Variants in FOCAD observed in about 807,000 individuals in gnomAD.
FOCAD encodes the protein KIAA1797.
FOCAD carries 198 observed loss-of-function variants against 225.6 expected under a neutral mutation model. The ratio of observed to expected loss-of-function variants is 0.88; its 90% CI spans 0.78 to 0.99. The LOEUF is 0.99. FOCAD is among the 50% of genes least tolerant of loss of function. The pLI is 0.00. For synonymous variants in FOCAD, 897 were observed against 755.0 expected (o/e 1.19, Z -3.08); for missense variants, 2,713 against 2,123.6 (o/e 1.28, Z -5.46).
At chr9:20,708,411 AT>A (rs997956475) in intron 1 of FOCAD, among the ~76,000 whole-genome samples, 1 of 152,048 alleles carries the variant, frequency 6.6e-6, no homozygotes, top group Non-Finnish European at 1.5e-5. Context: ...TGAAGTACTT[AT>A]TTTTTTATCA....
At chr9:20,882,088 G>C (rs1830717925) in intron 20 of FOCAD, 32 bp downstream of exon 20, 1 of 1,569,178 alleles carries the variant, frequency 6.4e-7, no homozygotes, top group African/African-American at 1.4e-5. Flanking sequence ...AAAAATACAG[G>C]TTTTTCATGT....
intron 4 of FOCAD, among the ~76,000 whole-genome samples, chr9:20,729,049 A>G (rs937595714): frequency 1.3e-5 from 2 of 152,154 alleles, no homozygotes; most frequent in African/African-American, 4.8e-5. Context: ...GGCCACAATT[A>G]CAGATTTCCA....
At chr9:20,910,004 A>G (rs1159976796) in intron 22 of FOCAD, among the ~76,000 whole-genome samples, 3 of 152,096 alleles carry the variant, frequency 2.0e-5, no homozygotes, top group Admixed American at 6.6e-5. Flanking sequence ...ATTCTCCATT[A>G]CTTCCTGGAG....
At chr9:20,963,060 A>G (rs1838906817) in intron 35 of FOCAD, among the ~76,000 whole-genome samples, 1 of 152,022 alleles carries the variant, frequency 6.6e-6, no homozygotes, top group African/African-American at 2.4e-5. Context: ...TATTTTCTCA[A>G]TTTCCAACAG....
chr9:20,993,580 G>A (rs542160801), intron 43 of FOCAD, among the ~76,000 whole-genome samples: 2 of 152,216 alleles, frequency 1.3e-5, no homozygotes, highest in South Asian at 2.1e-4. Flanking sequence ...ATACATGGCC[G>A]GAAGGTAATT....
chr9:20,843,660 A>T (rs1249031781), intron 15 of FOCAD, among the ~76,000 whole-genome samples: 1 of 152,094 alleles, frequency 6.6e-6, no homozygotes, highest in Non-Finnish European at 1.5e-5. Flanking sequence ...AGGTTTGGGA[A>T]GTTCTCTGTT....
chr9:20,797,481 CTT>C (rs746377800), intron 11 of FOCAD, among the ~76,000 whole-genome samples: 3 of 152,090 alleles, frequency 2.0e-5, no homozygotes, highest in Non-Finnish European at 4.4e-5. Context: ...TTTGTATCCT[CTT>C]TTATTTCCTT....
At chr9:20,795,015 A>G (rs1052156552) in intron 11 of FOCAD, among the ~76,000 whole-genome samples, 5 of 152,352 alleles carry the variant, frequency 3.3e-5, no homozygotes, top group South Asian at 4.1e-4. Flanking sequence ...AGAAAATTTT[A>G]TTAGTAATGT....
intron 11 of FOCAD, among the ~76,000 whole-genome samples, chr9:20,815,332 G>T (rs1823614623): frequency 1.3e-5 from 2 of 148,296 alleles, no homozygotes; most frequent in Admixed American, 6.7e-5. Flanking sequence ...TTTAGTATAG[G>T]TGGGGTTTCA....
At chr9:20,894,727 T>C (rs1272069494) in intron 21 of FOCAD, among the ~76,000 whole-genome samples, 1 of 152,128 alleles carries the variant, frequency 6.6e-6, no homozygotes, top group Non-Finnish European at 1.5e-5. Context: ...TTTTGGATAA[T>C]AGTCCTTTAT....
At chr9:20,789,278 G>T in intron 10 of FOCAD, 73 bp from the exon 11 acceptor site, 1 of 1,508,596 alleles carries the variant, frequency 6.6e-7, no homozygotes, top group Non-Finnish European at 9.1e-7. Context: ...TGAAATATAA[G>T]AATGCCAGAA....
chr9:20,773,527 C>A (rs7854443), intron 8 of FOCAD, among the ~76,000 whole-genome samples: 55,680 of 152,008 alleles, frequency 0.37, 10,480 homozygotes, highest in East Asian at 0.49. Flanking sequence ...CATCACACAG[C>A]TCAAGAAATA....
chr9:20,804,657 A>T (rs1269148121), intron 11 of FOCAD, among the ~76,000 whole-genome samples: 1 of 152,212 alleles, frequency 6.6e-6, no homozygotes, highest in Non-Finnish European at 1.5e-5. Flanking sequence ...TTCAGGGGGA[A>T]AAATTAAATC....
intron 16 of FOCAD, 152 bp downstream of exon 16, chr9:20,862,864 A>G (rs958871731): frequency 1.5e-6 from 1 of 646,660 alleles, no homozygotes; most frequent in Non-Finnish European, 2.4e-6. Context: ...GGAGTAAGAT[A>G]GCTCCTCATC....
chr9:20,735,543 T>C (rs1337312601), intron 4 of FOCAD, among the ~76,000 whole-genome samples: 2 of 147,272 alleles, frequency 1.4e-5, no homozygotes, highest in South Asian at 2.4e-4. Context: ...CCCTGAGACA[T>C]GTCTTTCTGT....
At position 20,764,996 on chromosome 9, in the gene FOCAD, C is replaced by G. The variant is rs369821901; in HGVS notation, c.622C>G (p.Leu208Val). Reference sequence around the variant, plus strand: ...GAAAGTCTTACTTCAACCCCAGGTTCTTTGTGACAAAGATCAACCATCAAT... The same window carrying G: ...GAAAGTCTTACTTCAACCCCAGGTTGTTTGTGACAAAGATCAACCATCAAT... ...LLKVLLQPQV[L>V]CDKDQPSILE... Residue 208 changes from leucine to valine, a missense_variant, in exon 7 of 44, where the codon CTT becomes GTT. Leu to Val is a conservative substitution (Grantham distance 32). Transcript: ENST00000338382. The G allele has an allele frequency of 6.2e-7, 1 of 1,614,080 alleles. No homozygotes were observed. The highest frequency in any genetic ancestry group is 8.5e-7 in the Non-Finnish European group (1 of 1,179,998).
intron 1 of FOCAD, among the ~76,000 whole-genome samples, chr9:20,692,757 A>G (rs981814979): frequency 8.5e-5 from 13 of 152,328 alleles, no homozygotes; most frequent in Admixed American, 2.0e-4. Context: ...TGGCCTTTTG[A>G]GGCCGGGACT....
intron 6 of FOCAD, among the ~76,000 whole-genome samples, chr9:20,762,269 T>G (rs1193946463): frequency 1.3e-5 from 2 of 152,250 alleles, no homozygotes; most frequent in African/African-American, 4.8e-5. Flanking sequence ...CATTATCTGA[T>G]TCCTTCATCT....
intron 37 of FOCAD, among the ~76,000 whole-genome samples, chr9:20,978,932 G>A (rs1840443752): frequency 6.6e-6 from 1 of 152,202 alleles, no homozygotes; most frequent in African/African-American, 2.4e-5. Context: ...GGATGTAGGT[G>A]GGAGAGTGTA....
Sources: gnomAD v4.1 joint callset for allele counts (sites outside exome capture counted in the v4.1 genomes callset) on GRCh38, gnomAD v4.1.1 for gene constraint, MANE v1.5 for transcripts, NCBI Gene and HGNC (gene_info 2026-07-23, HGNC 2026-07-21) for gene names.